Variants in NAALADL2 observed in about 807,000 individuals in gnomAD.
The protein encoded by NAALADL2 is inactive N-acetylated-alpha-linked acidic dipeptidase-like protein 2.
In NAALADL2, 76 loss-of-function variants were observed where a neutral mutation model predicts 87.2. The ratio of observed to expected loss-of-function variants is 0.87; its 90% CI spans 0.72 to 1.05. NAALADL2 has a LOEUF of 1.05. NAALADL2 is among the 50% of genes least tolerant of loss of function. NAALADL2 has a pLI of 0.00. For synonymous variants in NAALADL2, 354 were observed against 331.0 expected (o/e 1.07, Z -0.75); for missense variants, 1,089 against 945.8 (o/e 1.15, Z -1.99).
At chr3:175,701,238 G>A (rs1179181924) in intron 11 of NAALADL2, among the ~76,000 whole-genome samples, 1 of 152,146 alleles carries the variant, frequency 6.6e-6, no homozygotes, top group Non-Finnish European at 1.5e-5. Flanking sequence ...TGTAGGTTAG[G>A]GGAGCATATT....
chr3:174,564,408 A>T (rs73882429), intron 2 of NAALADL2, among the ~76,000 whole-genome samples: 4 of 152,266 alleles, frequency 2.6e-5, no homozygotes, highest in African/African-American at 9.6e-5. Flanking sequence ...GTAGGGATGG[A>T]GACCTGGAGG....
chr3:175,406,061 G>A (rs929501241), intron 5 of NAALADL2, among the ~76,000 whole-genome samples: 7 of 152,076 alleles, frequency 4.6e-5, no homozygotes, highest in Non-Finnish European at 7.4e-5. Flanking sequence ...GTTTATAGCC[G>A]GTGTTGCAGT....
intron 3 of NAALADL2, among the ~76,000 whole-genome samples, chr3:174,786,449 CAA>C (rs36127298): frequency 0.28 from 34,796 of 122,698 alleles, 4,534 homozygotes; most frequent in East Asian, 0.45. Flanking sequence ...GACTCTGTCT[CAA>C]AAAAAAAAAA....
intron 1 of NAALADL2, among the ~76,000 whole-genome samples, chr3:174,444,331 A>G (rs1004077212): frequency 2.0e-5 from 3 of 152,100 alleles, no homozygotes; most frequent in African/African-American, 7.2e-5. Flanking sequence ...CTCTTTTCTC[A>G]TTGTTTATGA....
chr3:175,795,294 A>G (rs745848186), intron 13 of NAALADL2, among the ~76,000 whole-genome samples: 7 of 152,172 alleles, frequency 4.6e-5, no homozygotes, highest in Non-Finnish European at 1.0e-4. Flanking sequence ...TAACTTTGTA[A>G]TGCATACCTC....
chr3:174,655,537 T>A (rs963692640), intron 2 of NAALADL2, among the ~76,000 whole-genome samples: 1 of 152,230 alleles, frequency 6.6e-6, no homozygotes, highest in Non-Finnish European at 1.5e-5. Flanking sequence ...AAATGTTACA[T>A]GGCAGACGTT....
At chr3:174,670,147 T>C (rs547651780) in intron 2 of NAALADL2, among the ~76,000 whole-genome samples, 1 of 152,090 alleles carries the variant, frequency 6.6e-6, no homozygotes, top group East Asian at 1.9e-4. Context: ...GTGGAAACTT[T>C]AGAGTTTTGT....
chr3:175,334,823 T>G lies in NAALADL2; in HGVS notation c.1090+10498T>G, dbSNP rs150194123. On this transcript the variant is annotated intron_variant, in intron 5 of 13. Coordinates refer to ENST00000454872, the MANE Select transcript of NAALADL2 (RefSeq NM_207015.3). ...GGATAAAGGGAGAAATGGAACTCCC[T>G]TTGTGTTCCACTTTGTGTTATTGGG... Among the ~76,000 whole-genome samples, 258 of 152,300 alleles carry G rather than the reference T, an allele frequency of 1.7e-3. 1 individual carries two copies. Among genetic ancestry groups the G allele is most frequent in the African/African-American group, 6.1e-3 (254 of 41,564 alleles).
At chr3:175,606,549 A>G (rs551452113) in intron 10 of NAALADL2, among the ~76,000 whole-genome samples, 4 of 152,282 alleles carry the variant, frequency 2.6e-5, no homozygotes, top group East Asian at 1.9e-4. Context: ...TTTGAGGTGT[A>G]ATATTGCGGA....
At chr3:175,065,104 G>A (rs1288803049) in intron 1 of NAALADL2, among the ~76,000 whole-genome samples, 1 of 152,090 alleles carries the variant, frequency 6.6e-6, no homozygotes, top group Non-Finnish European at 1.5e-5. Context: ...AAGGCAGCTA[G>A]GAGACCTGGA....
At chr3:175,063,876 T>A (rs1173246805) in intron 1 of NAALADL2, among the ~76,000 whole-genome samples, 1 of 152,198 alleles carries the variant, frequency 6.6e-6, no homozygotes, top group Non-Finnish European at 1.5e-5. Flanking sequence ...CATCCGTATT[T>A]GTCAAATCAG....
intron 9 of NAALADL2, among the ~76,000 whole-genome samples, chr3:175,508,283 C>T (rs920958066): frequency 1.3e-5 from 2 of 152,162 alleles, no homozygotes; most frequent in Non-Finnish European, 2.9e-5. Flanking sequence ...TTGGTGGGGA[C>T]ACACATTCCA....
intron 9 of NAALADL2, among the ~76,000 whole-genome samples, chr3:175,522,723 C>T (rs1732820066): frequency 6.6e-6 from 1 of 152,126 alleles, no homozygotes; most frequent in Admixed American, 6.5e-5. Flanking sequence ...TAGTATACAA[C>T]CTCTAATTTT....
In NAALADL2 at chr3:175,701,138, T is replaced by A. The variant is rs115196100; in HGVS notation, c.1897-36168T>A. Among the ~76,000 whole-genome samples the A allele has an allele frequency of 1.7e-3, 264 of 152,238 alleles. 1 individual carries two copies. Among genetic ancestry groups the A allele is most frequent in the African/African-American group, 6.0e-3 (251 of 41,548 alleles). On this transcript the variant is annotated intron_variant, in intron 11 of 13. Transcript: ENST00000454872. ...GCAGAAACGTGCATTAGGTTTACAG[T>A]GCAGAAGGAGAAGATTTCAGGTCTG...
chr3:174,864,255 T>C (rs1579257548), intron 1 of NAALADL2, among the ~76,000 whole-genome samples: 2 of 152,188 alleles, frequency 1.3e-5, no homozygotes, highest in East Asian at 3.9e-4. Context: ...CTAACTGAGC[T>C]TATGAGCTAA....
At chr3:174,779,111 C>G (rs1010195673) in intron 3 of NAALADL2, among the ~76,000 whole-genome samples, 3 of 152,178 alleles carry the variant, frequency 2.0e-5, no homozygotes, top group Non-Finnish European at 4.4e-5. Flanking sequence ...TAAAAGTGTT[C>G]CTATTTTTCC....
At chr3:174,956,016 T>G (rs1371813562) in intron 1 of NAALADL2, among the ~76,000 whole-genome samples, 1 of 152,104 alleles carries the variant, frequency 6.6e-6, no homozygotes, top group Admixed American at 6.6e-5. Context: ...ATCAGTTTCT[T>G]GGAGATTATT....
intron 4 of NAALADL2, among the ~76,000 whole-genome samples, chr3:175,307,101 A>C (rs1184375114): frequency 6.6e-6 from 1 of 152,076 alleles, no homozygotes; most frequent in African/African-American, 2.4e-5. Flanking sequence ...TTTGTTTAAA[A>C]CCAGTATTCT....
At chr3:175,750,402 C>T (rs1241700638) in intron 12 of NAALADL2, among the ~76,000 whole-genome samples, 1 of 152,126 alleles carries the variant, frequency 6.6e-6, no homozygotes, top group Non-Finnish European at 1.5e-5. Flanking sequence ...CTCTCTTCTT[C>T]TCTCCCTGCC....
Sources: allele counts gnomAD v4.1 joint callset (sites outside exome capture counted in the v4.1 genomes callset), GRCh38; gene constraint gnomAD v4.1.1; transcripts MANE v1.5; gene names NCBI Gene and HGNC (gene_info 2026-07-23, HGNC 2026-07-21).